ATRN: variants seen among roughly 807,000 people sequenced by gnomAD.
ATRN encodes attractin.
ATRN carries 54 observed loss-of-function variants against 178.7 expected under a neutral mutation model. The ratio of observed to expected loss-of-function variants is 0.30; its 90% confidence interval spans 0.24 to 0.38. The LOEUF is 0.38. Among genes scored for constraint, ATRN ranks in the 10% least tolerant of loss-of-function variants. The probability of loss-of-function intolerance (pLI) is 1.00; values close to 1 mark genes in which losing one functional copy is unlikely to be tolerated. For missense variants in ATRN, 1,443 were observed against 1,815.1 expected, an observed-to-expected ratio of 0.79 and a Z score of 3.73; for synonymous variants, 636 against 663.0, an observed-to-expected ratio of 0.96 and a Z score of 0.63.
chr20:3,505,211 G>A (rs1028105551), intron 1 of ATRN, among the ~76,000 whole-genome samples: 1 of 152,180 alleles, frequency 6.6e-6, no homozygotes, highest in African/African-American at 2.4e-5. Context: ...AGAACAAAAA[G>A]GCAAATCTCA....
chr20:3,550,988 C>T (rs2085779016), intron 6 of ATRN, among the ~76,000 whole-genome samples: 1 of 152,188 alleles, frequency 6.6e-6, no homozygotes, highest in Non-Finnish European at 1.5e-5. Context: ...TTCCACATTC[C>T]ACCCTGCTTC....
intron 17 of ATRN, 53 bp downstream of exon 17, chr20:3,584,136 C>T: frequency 6.5e-7 from 1 of 1,548,932 alleles, no homozygotes; most frequent in Middle Eastern, 2.1e-4. Flanking sequence ...GTATAGGCAA[C>T]AACTCAGCCA....
At chr20:3,609,379 A>AT (rs1322616475) in intron 24 of ATRN, among the ~76,000 whole-genome samples, 1 of 151,970 alleles carries the variant, frequency 6.6e-6, no homozygotes, top group Non-Finnish European at 1.5e-5. Flanking sequence ...TTGTGTGTTG[A>AT]TTTTGTATCC....
chr20:3,509,053 CA>C (rs1184359003), intron 1 of ATRN, among the ~76,000 whole-genome samples: 1 of 151,294 alleles, frequency 6.6e-6, no homozygotes, highest in African/African-American at 2.4e-5. Context: ...ATATTTAATC[CA>C]AAAAAAGGTA....
At chr20:3,601,697 CAAAAAA>C (rs11475145) in intron 23 of ATRN, among the ~76,000 whole-genome samples, 1 of 84,836 alleles carries the variant, frequency 1.2e-5, no homozygotes, top group Non-Finnish European at 2.3e-5. Context: ...ACCCTGTCTA[CAAAAAA>C]AAAAAAAAAA....
intron 10 of ATRN, among the ~76,000 whole-genome samples, chr20:3,565,102 T>C (rs532991213): frequency 9.9e-4 from 150 of 152,142 alleles, no homozygotes; most frequent in Non-Finnish European, 6.6e-4. Flanking sequence ...GTTGGGTGAG[T>C]GATCCAGATG....
chr20:3,505,311 C>T (rs528003603), intron 1 of ATRN, among the ~76,000 whole-genome samples: 5 of 152,256 alleles, frequency 3.3e-5, no homozygotes, highest in East Asian at 1.9e-4. Flanking sequence ...AGGACTAGCA[C>T]GAGCAGTCTC....
chr20:3,606,771 T>G (rs889091840), intron 24 of ATRN, among the ~76,000 whole-genome samples: 1 of 152,258 alleles, frequency 6.6e-6, no homozygotes, highest in Non-Finnish European at 1.5e-5. Flanking sequence ...ATTTTGTATC[T>G]ATTTCATGAG....
intron 23 of ATRN, among the ~76,000 whole-genome samples, chr20:3,603,362 A>G (rs1173516819): frequency 6.6e-6 from 1 of 152,162 alleles, no homozygotes; most frequent in African/African-American, 2.4e-5. Flanking sequence ...GGGCAAAGTG[A>G]ATGCCAGTGC....
intron 1 of ATRN, chr20:3,490,110 T>A: frequency 1.4e-6 from 2 of 1,451,186 alleles, no homozygotes; most frequent in South Asian, 2.3e-5. Context: ...TGATTTGGGA[T>A]TTTTGGCAAA....
At chr20:3,504,688 GATAATAATAATAATAATAATAATA>G (rs60176330) in intron 1 of ATRN, among the ~76,000 whole-genome samples, 5,957 of 135,916 alleles carry the variant, frequency 0.044, 404 homozygotes, top group African/African-American at 0.14. Flanking sequence ...TCTGTCTTAA[GATAATAATAATAATAATAATAATA>G]ATAATAATAA....
At chr20:3,583,662 G>T (rs911947561) in intron 16 of ATRN, among the ~76,000 whole-genome samples, 1 of 152,082 alleles carries the variant, frequency 6.6e-6, no homozygotes, top group African/African-American at 2.4e-5. Context: ...CAAAAAATTA[G>T]CCAGACGTGA....
chr20:3,622,815 A>G (rs16988765), intron 24 of ATRN, among the ~76,000 whole-genome samples: 211 of 152,344 alleles, frequency 1.4e-3, no homozygotes, highest in East Asian at 6.4e-3. Context: ...GAGGTTCTTT[A>G]TGATTATAAT....
chr20:3,589,583 G>A (rs2086410115), intron 18 of ATRN, among the ~76,000 whole-genome samples: 1 of 152,072 alleles, frequency 6.6e-6, no homozygotes, highest in Non-Finnish European at 1.5e-5. Flanking sequence ...TATCCTGGTG[G>A]TATTCGGAGA....
At chr20:3,604,495 C>A (rs1192187908) in intron 24 of ATRN, among the ~76,000 whole-genome samples, 2 of 152,182 alleles carry the variant, frequency 1.3e-5, no homozygotes. Flanking sequence ...AGCAAGTTGG[C>A]ATGTAACAGA....
chr20:3,556,438 T>G (rs1282360642), intron 6 of ATRN, among the ~76,000 whole-genome samples: 7 of 152,148 alleles, frequency 4.6e-5, no homozygotes. Flanking sequence ...TCATGTCTAG[T>G]CTCCACAGAG....
Position 3,600,987 on chromosome 20 carries a change from T to C in ATRN, c.3606T>C (p.Asn1202=). 6.2e-7 allele frequency: 1 copy of C among 1,613,940 alleles called. No individual in the cohort carries two copies. The highest frequency in any genetic ancestry group is 1.1e-5 in the South Asian group (1 of 91,060). ...ACATGTTCATCAATGCCTCCAAGAA[T>C]TTCAACCTCAACATCACCTGGGCTG... is the stretch of plus-strand genomic sequence containing the variant. ...DLDMFINASK[N]FNLNITWAAS... is the part of the protein sequence containing the mutation. The change falls in exon 23 of 29, where the codon AAT becomes AAC. Residue 1202 remains asparagine (N), a synonymous_variant. Transcript: ENST00000262919.
intron 6 of ATRN, among the ~76,000 whole-genome samples, chr20:3,552,516 C>T (rs145495501): frequency 6.6e-6 from 1 of 152,314 alleles, no homozygotes; most frequent in African/African-American, 2.4e-5. Flanking sequence ...TTTCTTCACA[C>T]CCCGTATTGG....
At chr20:3,561,415 T>C (rs1309597704) in intron 8 of ATRN, among the ~76,000 whole-genome samples, 2 of 152,190 alleles carry the variant, frequency 1.3e-5, no homozygotes, top group African/African-American at 2.4e-5. Flanking sequence ...CTATGTAGTA[T>C]GTATTTGTTA....
Sources: gnomAD v4.1 joint callset for allele counts (sites outside exome capture counted in the v4.1 genomes callset) on GRCh38, gnomAD v4.1.1 for gene constraint, MANE v1.5 for transcripts, NCBI Gene and HGNC (gene_info 2026-07-23, HGNC 2026-07-21) for gene names.